ABR: variants seen among roughly 807,000 people sequenced by gnomAD.
ABR encodes the protein ABR activator of RhoGEF and GTPase.
ABR carries 35 observed loss-of-function variants against 107.2 expected under a neutral mutation model. The ratio of observed to expected loss-of-function variants is 0.33; its 90% CI spans 0.25 to 0.43. The LOEUF is 0.43. ABR is among the 20% of genes least tolerant of loss of function. The probability of loss-of-function intolerance (pLI) is 1.00; values close to 1 mark genes in which losing one functional copy is unlikely to be tolerated. For synonymous variants in ABR, 498 were observed against 462.0 expected (o/e 1.08, Z -1.00); for missense variants, 815 against 1,115.2 (o/e 0.73, Z 3.83).
intron 1 of ABR, among the ~76,000 whole-genome samples, chr17:1,135,282 G>A (rs1410948430): frequency 1.3e-5 from 2 of 152,238 alleles, no homozygotes; most frequent in East Asian, 3.8e-4. Context: ...ACTCAGTGAG[G>A]ATGGGTGACC....
At chr17:1,205,233 T>C (rs2042767604) in intron 1 of ABR, among the ~76,000 whole-genome samples, 1 of 152,188 alleles carries the variant, frequency 6.6e-6, no homozygotes, top group Non-Finnish European at 1.5e-5. Flanking sequence ...TGTAATGAGC[T>C]CTGGGCCCTT....
chr17:1,005,869 A>G lies in ABR; in HGVS notation c.*211T>C, dbSNP rs920104574. On this transcript the variant is annotated 3_prime_UTR_variant, in exon 23 of 23. Transcript: ENST00000302538. Reference sequence around the variant, plus strand: ...CACAACTAGAGGTATGGAGGGCAGGAGGTGGGATGCGGTGGTGAGGCTGGG... The same window carrying G: ...CACAACTAGAGGTATGGAGGGCAGGGGGTGGGATGCGGTGGTGAGGCTGGG... 13 of 603,740 alleles carry G rather than the reference A, an allele frequency of 2.2e-5. No homozygotes were observed. In the East Asian group the frequency reaches 3.6e-4, roughly 17 times the overall value. 37.4% of individuals were successfully genotyped at this position (603,740 alleles called of 1,614,324 possible).
chr17:1,198,104 C>G lies in ABR; in HGVS notation c.838+30689G>C, dbSNP rs141444404. ...TTGCAAAAGAGACTGTATCTGCCCC[C>G]TGCCACAACTAACCAGAAATGAGGA... On this transcript the variant is annotated intron_variant, in intron 1 of 22. Coordinates refer to the ABR transcript ENST00000574139. Among the ~76,000 whole-genome samples the G allele has an allele frequency of 8.6e-3, 1,313 of 151,810 alleles. 15 individuals carry two copies. Among genetic ancestry groups the G allele is most frequent in the Middle Eastern group, 0.027 (8 of 294 alleles).
upstream of ABR, among the ~76,000 whole-genome samples, chr17:1,191,379 A>G (rs1248024131): frequency 9.7e-6 from 1 of 102,622 alleles, no homozygotes; most frequent in Non-Finnish European, 2.0e-5. Flanking sequence ...TTTTTTTGAG[A>G]CAGAGTCTCC....
chr17:1,171,493 G>C (rs559299754), intron 1 of ABR, among the ~76,000 whole-genome samples: 1 of 152,278 alleles, frequency 6.6e-6, no homozygotes, highest in African/African-American at 2.4e-5. Context: ...AGCTTCCTTG[G>C]CTCTGGTTTA....
intron 16 of ABR, among the ~76,000 whole-genome samples, chr17:1,036,823 C>A (rs1261348178): frequency 6.6e-6 from 1 of 152,140 alleles, no homozygotes; most frequent in African/African-American, 2.4e-5. Context: ...GGCCAAATGT[C>A]TTCCCAGAAT....
At chr17:1,056,168 C>A in intron 13 of ABR, 59 bp from the exon 14 acceptor site, 1 of 1,474,186 alleles carries the variant, frequency 6.8e-7, no homozygotes, top group Non-Finnish European at 9.5e-7. Context: ...TCAGCCTCCA[C>A]CCCAGGCCGG....
chr17:1,113,284 T>TG (rs2038810807), intron 2 of ABR, among the ~76,000 whole-genome samples: 2 of 137,900 alleles, frequency 1.5e-5, no homozygotes, highest in African/African-American at 5.4e-5. Flanking sequence ...TGCGATTTTT[T>TG]TTTTTTTTTT....
chr17:1,180,668 C>A (rs116631756), upstream of ABR, among the ~76,000 whole-genome samples: 2,934 of 152,352 alleles, frequency 0.019, 69 homozygotes, highest in African/African-American at 0.056. Context: ...GAGCCGCGGC[C>A]TGGAAAGCCC....
chr17:1,022,449 C>G (rs2150833059), intron 16 of ABR: 1 of 153,372 alleles, frequency 6.5e-6, no homozygotes, highest in East Asian at 1.9e-4. Context: ...GGCAAGCTGG[C>G]AACGGGGGAG....
chr17:1,044,337 T>C (rs2031214010), intron 16 of ABR, among the ~76,000 whole-genome samples: 2 of 152,280 alleles, frequency 1.3e-5, no homozygotes, highest in East Asian at 1.9e-4. Context: ...GAAAACAGGA[T>C]TGGATTAAAC....
intron 1 of ABR, among the ~76,000 whole-genome samples, chr17:1,137,106 C>T (rs2040103039): frequency 6.6e-6 from 1 of 151,864 alleles, no homozygotes; most frequent in South Asian, 2.1e-4. Flanking sequence ...TGCAGCGGCA[C>T]AATCTCAGCT....
chr17:1,213,697 T>C (rs9894771), intron 1 of ABR, among the ~76,000 whole-genome samples: 145,672 of 152,146 alleles, frequency 0.96, 70,029 homozygotes, highest in East Asian at 1. Context: ...GGCCAAAGGT[T>C]ACGGTCTTAA....
At chr17:1,160,660 C>G (rs924573298) in intron 1 of ABR, among the ~76,000 whole-genome samples, 15 of 152,188 alleles carry the variant, frequency 9.9e-5, no homozygotes, top group Admixed American at 9.2e-4. Flanking sequence ...GACAGCCAGA[C>G]GCCGAGCGCG....
At position 1,195,993 on chromosome 17, in the gene ABR, G is replaced by A. The variant is rs146231422; in HGVS notation, c.838+32800C>T. Among the ~76,000 whole-genome samples, 19 of 150,616 alleles carry A rather than the reference G, an allele frequency of 1.3e-4. No individual in the cohort carries two copies. In the East Asian group the frequency reaches 3.7e-3, roughly 29 times the overall value. ...AAAATACAAAAATTAGCCAGGCATG[G>A]TAGCAGGTGCCTGTAATCCCAGGTA... On this transcript the variant is annotated intron_variant, in intron 1 of 22. Transcript: ENST00000574139.
At position 1,004,515 on chromosome 17, in the gene ABR, G is replaced by T. The variant is rs1165916970; in HGVS notation, c.*1565C>A. On this transcript the variant is annotated 3_prime_UTR_variant, in exon 23 of 23. Transcript: ENST00000302538. ...GACGCTCTGCCACACAGAAGAGCCGGGGAGCTGTAACTGGCTATAAGTCGA... is the reference window on the plus strand; with the variant it reads ...GACGCTCTGCCACACAGAAGAGCCGTGGAGCTGTAACTGGCTATAAGTCGA... The T allele has an allele frequency of 6.5e-6, 1 of 152,728 alleles. No homozygotes were observed. Among genetic ancestry groups the T allele is most frequent in the Non-Finnish European group, 1.5e-5 (1 of 68,260 alleles). 9.5% of individuals were successfully genotyped at this position (152,728 alleles called of 1,614,324 possible). A position where few individuals can be genotyped will look rare whatever the true frequency, so the allele number is the denominator to read the frequency against.
chr17:1,088,465 TAATAATAATAA>T (rs1195204866), intron 4 of ABR, among the ~76,000 whole-genome samples: 1 of 88,146 alleles, frequency 1.1e-5, no homozygotes, highest in Non-Finnish European at 2.9e-5. Context: ...ATAATAATAA[TAATAATAATAA>T]TAATAATAAT....
At chr17:1,203,824 A>C (rs1240922999) in intron 1 of ABR, among the ~76,000 whole-genome samples, 1 of 151,740 alleles carries the variant, frequency 6.6e-6, no homozygotes, top group African/African-American at 2.4e-5. Flanking sequence ...GAGACCCGCC[A>C]GGGGGTGTGG....
Position 1,037,485 on chromosome 17 carries a change from A to G in ABR, c.1791+12565T>C, listed in dbSNP as rs2073285089. On this transcript the variant is annotated intron_variant, in intron 16 of 22. Transcript: ENST00000302538. This position sits in a 1 kb window ranked among gnomAD's most constrained non-coding sequence, Gnocchi z 4.6. ...TGTCCCGACAGCCCGTCCCTGGCAA[A>G]CCCTAGCGATTCTCACAGCACATTT... is the stretch of plus-strand genomic sequence containing the variant. Among the ~76,000 whole-genome samples, 1 of 152,144 alleles carries G rather than the reference A, an allele frequency of 6.6e-6. No individual in the cohort carries two copies. The highest frequency in any genetic ancestry group is 2.1e-4 in the South Asian group (1 of 4,824).
Sources: allele counts gnomAD v4.1 joint callset (sites outside exome capture counted in the v4.1 genomes callset), GRCh38; gene constraint gnomAD v4.1.1; non-coding constraint Gnocchi (gnomAD v3.1); transcripts MANE v1.5; gene names NCBI Gene and HGNC (gene_info 2026-07-23, HGNC 2026-07-21).